Variants in NIM1K observed in about 807,000 individuals in gnomAD.
NIM1K encodes the protein NIM1 serine/threonine protein kinase.
Under a neutral mutation model 37.1 loss-of-function variants are expected in NIM1K, and 35 were observed. The ratio of observed to expected loss-of-function variants is 0.94; its 90% CI spans 0.72 to 1.25. The LOEUF is 1.25. Ranked by LOEUF, NIM1K falls within the 50% of genes most tolerant of loss-of-function variation. The pLI, the probability that NIM1K is intolerant of heterozygous loss-of-function variation, is 0.00. For synonymous variants in NIM1K, 234 were observed against 206.6 expected, an observed-to-expected ratio of 1.13 and a Z score of -1.14; for missense variants, 564 against 548.0, an observed-to-expected ratio of 1.03 and a Z score of -0.29.
At chr5:43,213,180 T>C (rs1443084219) in intron 1 of NIM1K, among the ~76,000 whole-genome samples, 7 of 79,812 alleles carry the variant, frequency 8.8e-5, no homozygotes, top group Non-Finnish European at 1.4e-4. Flanking sequence ...TTTCTTTCTT[T>C]CTTTCTTTCT....
chr5:43,248,116 A>T (rs1422983898), intron 2 of NIM1K, among the ~76,000 whole-genome samples: 1 of 152,220 alleles, frequency 6.6e-6, no homozygotes, highest in African/African-American at 2.4e-5. Flanking sequence ...AATTTGAGCT[A>T]CACCTCAAGG....
At chr5:43,215,018 C>T (rs571729186) in intron 1 of NIM1K, among the ~76,000 whole-genome samples, 1 of 152,212 alleles carries the variant, frequency 6.6e-6, no homozygotes, top group East Asian at 1.9e-4. Flanking sequence ...TATGTTCAGG[C>T]TGTGATCTTT....
At chr5:43,267,618 T>G (rs77644744) in intron 2 of NIM1K, among the ~76,000 whole-genome samples, 2 of 152,190 alleles carry the variant, frequency 1.3e-5, no homozygotes, top group Non-Finnish European at 2.9e-5. Flanking sequence ...AGCACCACTT[T>G]TGCTGTATCT....
In NIM1K at chr5:43,213,495, AT is replaced by A. The variant is rs1231125814; in HGVS notation, c.-695+21094del. ...CCGGCATGCACCACCACATCTGGCTATTTTTTTTTTCTTTTTGAGACGGAGT... is the reference window on the plus strand; with the variant it reads ...CCGGCATGCACCACCACATCTGGCTATTTTTTTTTCTTTTTGAGACGGAGT... On this transcript the variant is annotated intron_variant, in intron 1 of 3. Coordinates refer to ENST00000326035, the MANE Select transcript of NIM1K (RefSeq NM_153361.4). Among the ~76,000 whole-genome samples, 170 of 136,424 alleles carry A rather than the reference AT, an allele frequency of 1.2e-3. 1 individual carries two copies. Among genetic ancestry groups the A allele is most frequent in the African/African-American group, 4.4e-3 (160 of 36,332 alleles). The allele number at this position is 136,424 out of a possible 152,430, so 89.5% of individuals were successfully genotyped here.
chr5:43,253,213 T>TAATATAATATATAATATA (rs1561088044), intron 2 of NIM1K, among the ~76,000 whole-genome samples: 3 of 60,348 alleles, frequency 5.0e-5, no homozygotes, highest in East Asian at 5.5e-4. Flanking sequence ...ATATAATATA[T>TAATATAATATATAATATA]GTGTGTGTGT....
intron 2 of NIM1K, among the ~76,000 whole-genome samples, chr5:43,269,024 C>T (rs1191122699): frequency 2.0e-5 from 3 of 151,886 alleles, no homozygotes; most frequent in African/African-American, 4.8e-5. Context: ...ATAGCCACTC[C>T]TACCCGGGCA....
intron 2 of NIM1K, among the ~76,000 whole-genome samples, chr5:43,265,690 A>G (rs1353088893): frequency 6.6e-6 from 1 of 152,110 alleles, no homozygotes; most frequent in Admixed American, 6.6e-5. Context: ...CCTTTGGAGG[A>G]GAAGAGGCAC....
chr5:43,245,649 C>A lies in NIM1K; in HGVS notation c.-127C>A, dbSNP rs578056870. 24 of 887,304 alleles carry A rather than the reference C, an allele frequency of 2.7e-5. No individual in the cohort carries two copies. The African/African-American group carries it at 3.7e-4, about 14-fold the overall frequency. The allele number at this position is 887,304 out of a possible 1,614,324, so 55.0% of individuals were successfully genotyped here. On this transcript the variant is annotated 5_prime_UTR_variant, in exon 2 of 4. Transcript: ENST00000326035. The stretch of plus-strand genomic sequence containing the variant: ...AAGCCGAGAGGGAGGCTGCTCAGCT[C>A]TCAGGAAAACTCTTTTGAACCCTGG...
chr5:43,211,224 G>A lies in NIM1K; in HGVS notation c.-695+18813G>A, dbSNP rs1378476352. Among the ~76,000 whole-genome samples the A allele has an allele frequency of 3.9e-4, 60 of 152,078 alleles. 2 individuals are homozygous for A. Among genetic ancestry groups the A allele is most frequent in the Admixed American group, 3.9e-3 (60 of 15,258 alleles). On this transcript the variant is annotated intron_variant, in intron 1 of 3. Coordinates refer to ENST00000326035, the MANE Select transcript of NIM1K (RefSeq NM_153361.4). ...AGAAAGAAAGAAGACTTGGATCCTGGCAAAAGAGATTATGGGAGGGGGGTG... is the reference window on the plus strand; with the variant it reads ...AGAAAGAAAGAAGACTTGGATCCTGACAAAAGAGATTATGGGAGGGGGGTG...
At chr5:43,232,317 G>T in intron 1 of NIM1K, 1 of 1,248,238 alleles carries the variant, frequency 8.0e-7, no homozygotes, top group Non-Finnish European at 1.2e-6. Flanking sequence ...GCTACAGAAA[G>T]CTGTTTCATG....
intron 1 of NIM1K, among the ~76,000 whole-genome samples, chr5:43,208,509 A>G (rs1211058964): frequency 6.6e-6 from 1 of 152,086 alleles, no homozygotes; most frequent in Non-Finnish European, 1.5e-5. Flanking sequence ...AGGCTGAGGC[A>G]GGAGAATCGC....
intron 1 of NIM1K, among the ~76,000 whole-genome samples, chr5:43,196,785 T>C (rs1341737043): frequency 2.0e-5 from 3 of 152,092 alleles, no homozygotes; most frequent in Non-Finnish European, 4.4e-5. Flanking sequence ...TTTTTCTTTT[T>C]TTCTTGAGAC....
At chr5:43,237,050 AG>A (rs1752632856) in intron 1 of NIM1K, among the ~76,000 whole-genome samples, 2 of 152,238 alleles carry the variant, frequency 1.3e-5, no homozygotes, top group South Asian at 4.1e-4. Flanking sequence ...ATTCTCCCTG[AG>A]GGTGCACCTG....
intron 2 of NIM1K, among the ~76,000 whole-genome samples, chr5:43,255,377 A>G (rs1752926788): frequency 6.6e-6 from 1 of 152,228 alleles, no homozygotes; most frequent in African/African-American, 2.4e-5. Context: ...TCCTTATGGA[A>G]CTTACACTCT....
chr5:43,209,807 G>A (rs905272274), intron 1 of NIM1K, among the ~76,000 whole-genome samples: 9 of 152,020 alleles, frequency 5.9e-5, no homozygotes, highest in Non-Finnish European at 1.0e-4. Flanking sequence ...TAGAGATGGG[G>A]TTTCACCACG....
intron 2 of NIM1K, among the ~76,000 whole-genome samples, chr5:43,255,830 G>T (rs189509491): frequency 1.4e-3 from 216 of 151,512 alleles, no homozygotes; most frequent in African/African-American, 5.0e-3. Flanking sequence ...AGATAAGTTG[G>T]CCAGGACAGC....
At chr5:43,218,049 T>C (rs1752328650) in intron 1 of NIM1K, among the ~76,000 whole-genome samples, 1 of 150,996 alleles carries the variant, frequency 6.6e-6, no homozygotes, top group Non-Finnish European at 1.5e-5. Context: ...TCTCAGTCTG[T>C]CGCCCAGGCT....
intron 2 of NIM1K, among the ~76,000 whole-genome samples, chr5:43,255,741 C>T (rs1434900746): frequency 9.8e-5 from 2 of 20,378 alleles, no homozygotes; most frequent in Non-Finnish European, 4.0e-4. Context: ...GAGCCAGACT[C>T]TGTCTCAAAA....
In NIM1K at chr5:43,256,433, T is replaced by A. The variant is rs111314558; in HGVS notation, c.292+10366T>A. On this transcript the variant is annotated intron_variant, in intron 2 of 3. Coordinates refer to ENST00000326035, the MANE Select transcript of NIM1K (RefSeq NM_153361.4). ...AAAGGTTAGGTAAACACAAGAACAG[T>A]TTACACTGACTGAAATGGGGAAGAT... Among the ~76,000 whole-genome samples the A allele has an allele frequency of 5.3e-5, 8 of 152,264 alleles. 2 individuals carry two copies. Among genetic ancestry groups the A allele is most frequent in the Middle Eastern group, 3.4e-3 (1 of 294 alleles).
Sources: gnomAD v4.1 joint callset for allele counts (sites outside exome capture counted in the v4.1 genomes callset) on GRCh38, gnomAD v4.1.1 for gene constraint, MANE v1.5 for transcripts, NCBI Gene and HGNC (gene_info 2026-07-23, HGNC 2026-07-21) for gene names.